Variants in RAD18 observed in about 807,000 individuals in gnomAD.
RAD18 encodes the protein E3 ubiquitin-protein ligase RAD18.
In RAD18, 47 loss-of-function variants were observed where a neutral mutation model predicts 60.4. That is an observed-to-expected ratio of 0.78 (90% CI 0.62 to 0.99). RAD18 has a LOEUF of 0.99. Among genes scored for constraint, RAD18 ranks in the 50% least tolerant of loss-of-function variants. RAD18 has a pLI of 0.00. For synonymous variants in RAD18, 225 were observed against 195.5 expected, an observed-to-expected ratio of 1.15 and a Z score of -1.26; for missense variants, 640 against 593.3, an observed-to-expected ratio of 1.08 and a Z score of -0.82.
At chr3:8,905,231 A>C (rs1429059822) in intron 9 of RAD18, among the ~76,000 whole-genome samples, 1 of 152,204 alleles carries the variant, frequency 6.6e-6, no homozygotes, top group Non-Finnish European at 1.5e-5. Context: ...GTACACGTTC[A>C]ATCAACTCAT....
At position 8,881,577 on chromosome 3, in the gene RAD18, T is replaced by C; in HGVS notation, c.1386-118A>G. 4.1e-6 allele frequency: 3 copies of C among 735,554 alleles called. No individual in the cohort carries two copies. In the South Asian group the frequency reaches 5.5e-5, roughly 14 times the overall value. 45.6% of individuals were successfully genotyped at this position (735,554 alleles called of 1,614,324 possible). A position where few individuals can be genotyped will look rare whatever the true frequency, so the allele number is the denominator to read the frequency against. On this transcript the variant is annotated intron_variant, in intron 12 of 12. Coordinates refer to ENST00000264926, the MANE Select transcript of RAD18 (RefSeq NM_020165.4). ...TTAAAACCTCGAAATAATCCTCTAT[T>C]CTGTTGATGAATTCATAATTGTTAT...
chr3:8,885,907 A>G (rs909125355), intron 12 of RAD18, among the ~76,000 whole-genome samples: 10 of 152,182 alleles, frequency 6.6e-5, no homozygotes, highest in Admixed American at 2.6e-4. Context: ...CCACTATAAA[A>G]CTAGCCAGAA....
intron 11 of RAD18, among the ~76,000 whole-genome samples, chr3:8,891,792 A>G (rs1209347697): frequency 1.3e-5 from 2 of 152,234 alleles, no homozygotes; most frequent in East Asian, 3.8e-4. Context: ...TATCTGCTAT[A>G]TCTGCTGTTC....
chr3:8,917,914 A>C (rs1452345088), intron 7 of RAD18, among the ~76,000 whole-genome samples: 1 of 152,216 alleles, frequency 6.6e-6, no homozygotes, highest in Non-Finnish European at 1.5e-5. Flanking sequence ...TAAAAATAAA[A>C]GTATGGAAAG....
At chr3:8,891,791 T>C (rs531081070) in intron 11 of RAD18, among the ~76,000 whole-genome samples, 2 of 152,368 alleles carry the variant, frequency 1.3e-5, no homozygotes, top group African/African-American at 4.8e-5. Context: ...TTATCTGCTA[T>C]ATCTGCTGTT....
intron 7 of RAD18, among the ~76,000 whole-genome samples, chr3:8,929,841 C>T (rs1011997640): frequency 2.0e-5 from 3 of 152,142 alleles, no homozygotes; most frequent in African/African-American, 7.2e-5. Context: ...CGGGGTTTCA[C>T]CCTGTTGGCC....
rs1395986823 is a variant in RAD18, at chr3:8,935,915, A to G, written c.845T>C (p.Val282Ala). Reference sequence around the variant, plus strand: ...ATCGCATTGGGCATTGTACATGTGTACAAATTCTTGGTGCCTTTTAATGAG... The same window carrying G: ...ATCGCATTGGGCATTGTACATGTGTGCAAATTCTTGGTGCCTTTTAATGAG... ...QQLIKRHQEF[V>A]HMYNAQCDAL... is the part of the protein sequence containing the mutation. Residue 282 changes from valine to alanine, a missense_variant, in exon 7 of 13, where the codon GTA becomes GCA. Physicochemically the swap from Val to Ala is moderately conservative, Grantham distance 64. Coordinates refer to ENST00000264926, the MANE Select transcript of RAD18 (RefSeq NM_020165.4). 2 of 1,611,728 alleles carry G rather than the reference A, an allele frequency of 1.2e-6. No homozygotes were observed. Among genetic ancestry groups the G allele is most frequent in the Non-Finnish European group, 1.7e-6 (2 of 1,178,854 alleles).
At position 8,887,919 on chromosome 3, in the gene RAD18, A is replaced by G. The variant is rs185244807; in HGVS notation, c.1385+2470T>C. ...ATGCCTGTGACATGCAAACTAACCA[A>G]TCCAGAGTCACAACTCCTCTATCTG... On this transcript the variant is annotated intron_variant, in intron 12 of 12. Coordinates refer to ENST00000264926, the MANE Select transcript of RAD18 (RefSeq NM_020165.4). Among the ~76,000 whole-genome samples, 548 of 152,266 alleles carry G rather than the reference A, an allele frequency of 3.6e-3. 3 individuals are homozygous for G. The highest frequency in any genetic ancestry group is 5.4e-3 in the Non-Finnish European group (369 of 68,018).
chr3:8,924,947 A>G (rs1304381188), intron 7 of RAD18, among the ~76,000 whole-genome samples: 3 of 152,202 alleles, frequency 2.0e-5, no homozygotes, highest in African/African-American at 7.2e-5. Flanking sequence ...AAATGCCCAC[A>G]AGAGAAAGCA....
At chr3:8,959,044 A>T (rs990736249) in intron 1 of RAD18, 43 bp from the exon 2 acceptor site, 2 of 1,514,460 alleles carry the variant, frequency 1.3e-6, no homozygotes, top group African/African-American at 1.4e-5. Context: ...AAAGACATCA[A>T]AATTGGAAGT....
intron 7 of RAD18, among the ~76,000 whole-genome samples, chr3:8,935,189 G>C (rs1393858936): frequency 6.6e-6 from 1 of 152,176 alleles, no homozygotes; most frequent in East Asian, 1.9e-4. Context: ...TAATTTGTGT[G>C]TTTTAATGTT....
chr3:8,934,483 A>G (rs1184408003), intron 7 of RAD18, among the ~76,000 whole-genome samples: 1 of 152,250 alleles, frequency 6.6e-6, no homozygotes, highest in Non-Finnish European at 1.5e-5. Flanking sequence ...GATGGCCAAC[A>G]AGCATATAAA....
intron 4 of RAD18, among the ~76,000 whole-genome samples, chr3:8,946,728 C>G (rs1293934270): frequency 2.0e-5 from 3 of 152,118 alleles, no homozygotes; most frequent in African/African-American, 7.2e-5. Flanking sequence ...TAATATATAG[C>G]AGACAGAATC....
Position 8,941,703 on chromosome 3 carries a change from C to G in RAD18, c.368G>C (p.Arg123Thr). ...AVKVYTPVAS[R>T]QSLKQGSRLM... ...CCTGCTCCCCTGCTTTAAAGACTGT[C>G]TGGAGGCTACAGGAGTATATACTTT... The change falls in exon 5 of 13, where the codon AGA (arginine) becomes ACA (threonine). Residue 123 changes from arginine (R) to threonine (T), a missense_variant. Coordinates refer to ENST00000264926, the MANE Select transcript of RAD18 (RefSeq NM_020165.4). 6.2e-7 allele frequency: 1 copy of G among 1,614,132 alleles called. No individual in the cohort carries two copies. Among genetic ancestry groups the G allele is most frequent in the Non-Finnish European group, 8.5e-7 (1 of 1,179,988 alleles).
intron 7 of RAD18, among the ~76,000 whole-genome samples, chr3:8,929,539 T>A (rs1007774769): frequency 1.3e-5 from 2 of 152,134 alleles, no homozygotes; most frequent in African/African-American, 4.8e-5. Flanking sequence ...GAATGGTTAG[T>A]TTAATATTCA....
At chr3:8,908,032 G>A (rs543127972) in intron 9 of RAD18, among the ~76,000 whole-genome samples, 19 of 152,118 alleles carry the variant, frequency 1.2e-4, no homozygotes, top group Non-Finnish European at 2.8e-4. Flanking sequence ...CCATAATACG[G>A]GGGCTCATCC....
intron 8 of RAD18, 136 bp downstream of exon 8, chr3:8,913,508 T>C (rs1940140202): frequency 1.8e-6 from 1 of 570,650 alleles, no homozygotes; most frequent in Admixed American, 4.2e-5. Context: ...CTAAAATGAG[T>C]TGCAAGTAAA....
chr3:8,882,557 G>A (rs552426545), intron 12 of RAD18, among the ~76,000 whole-genome samples: 2 of 152,280 alleles, frequency 1.3e-5, no homozygotes, highest in East Asian at 3.9e-4. Context: ...AACCCCGGCT[G>A]TTTCCCACCA....
chr3:8,962,700 A>G (rs1470956004), intron 1 of RAD18, among the ~76,000 whole-genome samples: 1 of 152,226 alleles, frequency 6.6e-6, no homozygotes, highest in African/African-American at 2.4e-5. Context: ...CCAAAACAGA[A>G]AGTGGCCACA....
Sources: allele counts gnomAD v4.1 joint callset (sites outside exome capture counted in the v4.1 genomes callset), GRCh38; gene constraint gnomAD v4.1.1; transcripts MANE v1.5; gene names NCBI Gene and HGNC (gene_info 2026-07-23, HGNC 2026-07-21).